FLVCR2: variants seen among roughly 807,000 people sequenced by gnomAD.
FLVCR2 encodes the protein choline/ethanolamine transporter FLVCR2.
A neutral mutation model predicts 48.9 loss-of-function variants in FLVCR2; 38 were observed. The ratio of observed to expected loss-of-function variants is 0.78; its 90% confidence interval spans 0.60 to 1.02. The LOEUF is 1.02. FLVCR2 is among the 50% of genes least tolerant of loss of function. The pLI, the probability that FLVCR2 is intolerant of heterozygous loss-of-function variation, is 0.00. For synonymous variants in FLVCR2, 255 were observed against 257.0 expected, an observed-to-expected ratio of 0.99 and a Z score of 0.07; for missense variants, 664 against 663.3, an observed-to-expected ratio of 1.00 and a Z score of -0.01.
chr14:75,590,425 T>C (rs545881147), intron 1 of FLVCR2, among the ~76,000 whole-genome samples: 1 of 152,308 alleles, frequency 6.6e-6, no homozygotes, highest in Admixed American at 6.5e-5. Context: ...CCAAAACTCA[T>C]GTCCTTTCAC....
intron 1 of FLVCR2, among the ~76,000 whole-genome samples, chr14:75,583,967 G>A (rs1888674343): frequency 6.6e-6 from 1 of 152,220 alleles, no homozygotes; most frequent in African/African-American, 2.4e-5. Flanking sequence ...AGGAGATCTG[G>A]GAAGGAGTTG....
chr14:75,618,810 A>G (rs1355664018), intron 1 of FLVCR2, among the ~76,000 whole-genome samples: 1 of 152,110 alleles, frequency 6.6e-6, no homozygotes, highest in Non-Finnish European at 1.5e-5. Context: ...TTCTGACATC[A>G]GACAGAACTG....
At chr14:75,634,732 T>C (rs1431875664) in intron 4 of FLVCR2, among the ~76,000 whole-genome samples, 178 bp from the exon 5 acceptor site, 1 of 152,190 alleles carries the variant, frequency 6.6e-6, no homozygotes, top group African/African-American at 2.4e-5. Flanking sequence ...GGTTATATTG[T>C]TGGGAGGAGT....
chr14:75,631,692 C>A (rs144237888), intron 3 of FLVCR2: 3 of 448,432 alleles, frequency 6.7e-6, no homozygotes, highest in Non-Finnish European at 1.3e-5. Flanking sequence ...TAGAGAGGAG[C>A]GGGAGGAATG....
At position 75,612,636 on chromosome 14, in the gene FLVCR2, G is replaced by A. The variant is rs189691804; in HGVS notation, c.670-9443G>A. ...GAGCGGTCTTTGCCTGGACATTATC[G>A]GTTACCGTGGAGCCGCCTGGCATTC... On this transcript the variant is annotated intron_variant, in intron 1 of 9. Coordinates refer to ENST00000238667, the MANE Select transcript of FLVCR2 (RefSeq NM_017791.3). Among the ~76,000 whole-genome samples, 7 of 152,264 alleles carry A rather than the reference G, an allele frequency of 4.6e-5. No individual in the cohort carries two copies. The East Asian group carries it at 7.7e-4, about 17-fold the overall frequency.
intron 1 of FLVCR2, among the ~76,000 whole-genome samples, chr14:75,597,515 C>T (rs963815437): frequency 5.3e-5 from 8 of 152,058 alleles, no homozygotes; most frequent in East Asian, 1.9e-4. Flanking sequence ...CAGAGGTCTG[C>T]GGCCCCACAC....
intron 1 of FLVCR2, among the ~76,000 whole-genome samples, chr14:75,587,361 T>C (rs1384361529): frequency 6.6e-6 from 1 of 152,210 alleles, no homozygotes; most frequent in Non-Finnish European, 1.5e-5. Flanking sequence ...GGATTTAATT[T>C]TTCCCCCCGT....
chr14:75,646,357 C>G (rs1426704052), intron 9 of FLVCR2, 44 bp from the exon 10 acceptor site: 1 of 1,412,254 alleles, frequency 7.1e-7, no homozygotes, highest in South Asian at 1.2e-5. Context: ...GGGTGGAGTG[C>G]TGTGCCTTTA....
chr14:75,596,074 C>T, intron 1 of FLVCR2: 1 of 1,178,986 alleles, frequency 8.5e-7, no homozygotes, highest in Non-Finnish European at 1.3e-6. Context: ...TACATTTTGG[C>T]TAGTTTTTCC....
In FLVCR2 at chr14:75,579,261, T is replaced by C. The variant is rs1267050526; in HGVS notation, c.289T>C (p.Cys97Arg). The C allele has an allele frequency of 7.4e-6, 12 of 1,614,128 alleles. No homozygotes were observed. Among genetic ancestry groups the C allele is most frequent in the Non-Finnish European group, 9.3e-6 (11 of 1,180,060 alleles). ...CCTGGTGTTTAGCTGCTACTCCATG[T>C]GCAACTCCTTTCAGTGGATCCAGTA... ...VVLVFSCYSMCNSFQWIQYGS... is the reference protein window; with the variant it reads ...VVLVFSCYSMRNSFQWIQYGS... Residue 97 changes from cysteine (C) to arginine (R), a missense_variant, in exon 1 of 10, where the codon TGC becomes CGC. Transcript: ENST00000238667.
chr14:75,597,076 G>A (rs956778084), intron 1 of FLVCR2, among the ~76,000 whole-genome samples: 3 of 152,044 alleles, frequency 2.0e-5, no homozygotes, highest in African/African-American at 7.2e-5. Flanking sequence ...GAGCCCAGGA[G>A]TTTGAGACCA....
intron 1 of FLVCR2, among the ~76,000 whole-genome samples, chr14:75,603,000 GC>G (rs2140019272): frequency 6.6e-6 from 1 of 152,188 alleles, no homozygotes; most frequent in Non-Finnish European, 1.5e-5. Context: ...TCCAACACTG[GC>G]CTTTGTTTTC....
intron 6 of FLVCR2, 69 bp downstream of exon 6, chr14:75,639,531 A>G: frequency 9.3e-7 from 1 of 1,076,612 alleles, no homozygotes; most frequent in Non-Finnish European, 1.4e-6. Flanking sequence ...CCAGCATCCT[A>G]GAATGCAATA....
chr14:75,595,366 G>A (rs1210685249), intron 1 of FLVCR2, among the ~76,000 whole-genome samples: 3 of 152,212 alleles, frequency 2.0e-5, no homozygotes, highest in Non-Finnish European at 4.4e-5. Context: ...TCAGATCCTA[G>A]CAGATAACGA....
intron 1 of FLVCR2, among the ~76,000 whole-genome samples, chr14:75,589,736 T>A (rs1449684096): frequency 6.6e-6 from 1 of 152,240 alleles, no homozygotes; most frequent in Admixed American, 6.5e-5. Context: ...CATGGCACCA[T>A]AGCTCTTGCA....
intron 1 of FLVCR2, among the ~76,000 whole-genome samples, chr14:75,594,656 A>G (rs1036553463): frequency 6.6e-6 from 1 of 152,136 alleles, no homozygotes; most frequent in African/African-American, 2.4e-5. Flanking sequence ...GAGAGGACAA[A>G]CTGACTTTTA....
intron 1 of FLVCR2, among the ~76,000 whole-genome samples, chr14:75,616,049 T>A (rs1196956531): frequency 0.03 from 1,295 of 43,308 alleles, 1 homozygote; most frequent in Non-Finnish European, 0.045. Context: ...AAAAAAAAAA[T>A]AGCGTAAGTC....
intron 8 of FLVCR2, 25 bp downstream of exon 8, chr14:75,641,318 T>A: frequency 6.4e-7 from 1 of 1,565,830 alleles, no homozygotes; most frequent in Non-Finnish European, 8.8e-7. Flanking sequence ...GAGGGCAAGA[T>A]GAGGCTCAGG....
intron 1 of FLVCR2, among the ~76,000 whole-genome samples, chr14:75,600,966 C>T (rs565333774): frequency 6.6e-6 from 1 of 151,782 alleles, no homozygotes; most frequent in South Asian, 2.1e-4. Flanking sequence ...GTTGGGGAGA[C>T]CCTAACCTAG....
Sources: allele counts gnomAD v4.1 joint callset (sites outside exome capture counted in the v4.1 genomes callset), GRCh38; gene constraint gnomAD v4.1.1; transcripts MANE v1.5; gene names NCBI Gene and HGNC (gene_info 2026-07-23, HGNC 2026-07-21).